Variants in PCLAF observed in about 807,000 individuals in gnomAD.
PCLAF encodes PCNA clamp associated factor.
A neutral mutation model predicts 15.1 loss-of-function variants in PCLAF; 12 were observed. The ratio of observed to expected loss-of-function variants is 0.79; its 90% CI spans 0.51 to 1.29. The LOEUF (loss-of-function observed/expected upper bound fraction) is 1.29, where lower values mean the gene tolerates loss of function less well. Among genes scored for constraint, PCLAF ranks in the 50% most tolerant of loss-of-function variants. PCLAF has a pLI of 0.00. For synonymous variants in PCLAF, 33 were observed against 47.1 expected (o/e 0.70, Z 1.22); for missense variants, 116 against 130.9 (o/e 0.89, Z 0.56).
In PCLAF at chr15:64,364,843, T is replaced by G. The variant is rs1285551929; in HGVS notation, c.*1187A>C. Reference sequence around the variant, plus strand: ...CTGGGATTACAGGCATGTGCCACCATGCCTGGCTCATTTTTTCATTTTTAG... The same window carrying G: ...CTGGGATTACAGGCATGTGCCACCAGGCCTGGCTCATTTTTTCATTTTTAG... On this transcript the variant is annotated 3_prime_UTR_variant, in exon 4 of 4. Transcript: ENST00000300035. The G allele has an allele frequency of 6.7e-6, 1 of 149,268 alleles. No individual in the cohort carries two copies. The highest frequency in any genetic ancestry group is 6.7e-5 in the Admixed American group (1 of 14,934). The allele number at this position is 149,268 out of a possible 1,614,324, so 9.2% of individuals were successfully genotyped here.
chr15:64,366,771 G>A, intron 3 of PCLAF, among the ~76,000 whole-genome samples: 1 of 152,020 alleles, frequency 6.6e-6, no homozygotes, highest in East Asian at 1.9e-4. Context: ...TCAGGAATTC[G>A]AGACCAGCCT....
chr15:64,373,525 C>A, intron 3 of PCLAF: 1 of 1,166,154 alleles, frequency 8.6e-7, no homozygotes, highest in Non-Finnish European at 1.1e-6. Flanking sequence ...GAAGGGCAAG[C>A]AAGACCACAA....
At position 64,365,894 on chromosome 15, in the gene PCLAF, T is replaced by C; in HGVS notation, c.*136A>G. The C allele has an allele frequency of 1.4e-6, 1 of 709,378 alleles. No homozygotes were observed. The highest frequency in any genetic ancestry group is 3.0e-5 in the Admixed American group (1 of 33,716). 43.9% of individuals were successfully genotyped at this position (709,378 alleles called of 1,614,324 possible). ...CAAATTTCACAACTACTTTTGAACA[T>C]CTAAATTTAAACCTAAATTTTTTAA... is the stretch of plus-strand genomic sequence containing the variant. On this transcript the variant is annotated 3_prime_UTR_variant, in exon 4 of 4. Transcript: ENST00000300035.
chr15:64,367,318 A>G (rs1017062718), intron 3 of PCLAF, among the ~76,000 whole-genome samples: 9 of 151,898 alleles, frequency 5.9e-5, no homozygotes, highest in African/African-American at 2.2e-4. Flanking sequence ...AGCCTGGCCA[A>G]CATGGTGAAA....
At chr15:64,370,183 A>G (rs1899220721) in intron 3 of PCLAF, among the ~76,000 whole-genome samples, 1 of 145,798 alleles carries the variant, frequency 6.9e-6, no homozygotes, top group Non-Finnish European at 1.5e-5. Context: ...GGCTCAAGCG[A>G]CTCCCACCTT....
intron 3 of PCLAF, among the ~76,000 whole-genome samples, chr15:64,371,379 C>T (rs565409070): frequency 2.0e-5 from 3 of 152,132 alleles, no homozygotes; most frequent in Non-Finnish European, 4.4e-5. Context: ...GATTGTCCTG[C>T]TTCAGCCACC....
chr15:64,372,291 G>T (rs567737239), intron 3 of PCLAF, among the ~76,000 whole-genome samples: 43 of 152,214 alleles, frequency 2.8e-4, no homozygotes, highest in Admixed American at 5.2e-4. Flanking sequence ...GTCTATCATT[G>T]CTCTGGCACA....
At chr15:64,370,829 GTTTTTTTTTTTTTT>G (rs10607183) in intron 3 of PCLAF, among the ~76,000 whole-genome samples, 2 of 85,766 alleles carry the variant, frequency 2.3e-5, no homozygotes, top group Non-Finnish European at 4.6e-5. Context: ...TCATAAAGTT[GTTTTTTTTTTTTTT>G]TTTTTTTTTT....
Position 64,381,384 on chromosome 15 carries a change from A to AGAGAG in PCLAF, c.-18_-14dup, listed in dbSNP as rs755251540. 6.2e-7 allele frequency: 1 copy of AGAGAG among 1,614,108 alleles called. No homozygotes were observed. The highest frequency in any genetic ancestry group is 8.5e-7 in the Non-Finnish European group (1 of 1,179,970). ...TAGTCCGCACCATGTTCAAACAAGA[A>AGAGAG]GAGAGGAGAGGAGAGAACGAACTGA... On this transcript the variant is annotated 5_prime_UTR_variant, in exon 1 of 4. Coordinates refer to ENST00000300035, the MANE Select transcript of PCLAF (RefSeq NM_014736.6).
At chr15:64,372,263 G>A (rs549330484) in intron 3 of PCLAF, among the ~76,000 whole-genome samples, 1 of 152,234 alleles carries the variant, frequency 6.6e-6, no homozygotes, top group African/African-American at 2.4e-5. Context: ...GTCATGCTTG[G>A]ATTTGGAGTA....
upstream of PCLAF, among the ~76,000 whole-genome samples, chr15:64,383,950 A>G (rs1042158793): frequency 3.3e-5 from 5 of 152,138 alleles, no homozygotes; most frequent in African/African-American, 1.2e-4. Flanking sequence ...GAGAAAAAAA[A>G]AAAGTGCTGA....
chr15:64,370,408 C>T (rs1899237643), intron 3 of PCLAF, among the ~76,000 whole-genome samples: 1 of 151,390 alleles, frequency 6.6e-6, no homozygotes, highest in Admixed American at 6.6e-5. Context: ...CGCTCTGTTG[C>T]CCAGGCTGGA....
In PCLAF at chr15:64,381,356, C is replaced by G; in HGVS notation, c.16G>C (p.Ala6Pro). 1 of 1,614,184 alleles carries G rather than the reference C, an allele frequency of 6.2e-7. No homozygotes were observed. The highest frequency in any genetic ancestry group is 8.5e-7 in the Non-Finnish European group (1 of 1,180,038). The part of the protein sequence containing the change: MVRTK[A>P]DSVPGTYRKV... ...CTGTAAGTGCCTGGAACACTGTCTG[C>G]TTTAGTCCGCACCATGTTCAAACAA... is the stretch of plus-strand genomic sequence containing the variant. The change falls in exon 1 of 4, where the codon GCA becomes CCA. Residue 6 changes from alanine to proline, a missense_variant. Ala to Pro is a conservative substitution (Grantham distance 27). Coordinates refer to ENST00000300035, the MANE Select transcript of PCLAF (RefSeq NM_014736.6).
upstream of PCLAF, among the ~76,000 whole-genome samples, chr15:64,382,056 A>G (rs929900132): frequency 6.6e-6 from 1 of 152,104 alleles, no homozygotes; most frequent in African/African-American, 2.4e-5. Flanking sequence ...AACTAATAAA[A>G]CGTCTTCTTG....
intron 3 of PCLAF, among the ~76,000 whole-genome samples, chr15:64,366,818 CAAA>C (rs1379967128): frequency 6.6e-6 from 1 of 151,978 alleles, no homozygotes; most frequent in African/African-American, 2.4e-5. Context: ...ACTAAAAATA[CAAA>C]AATAGCCGGG....
At chr15:64,374,587 G>A (rs1238996498) in intron 3 of PCLAF, among the ~76,000 whole-genome samples, 1 of 151,856 alleles carries the variant, frequency 6.6e-6, no homozygotes, top group Non-Finnish European at 1.5e-5. Context: ...GCTTATGCCT[G>A]TAATCCCAGC....
At chr15:64,370,105 A>G (rs1899217173) in intron 3 of PCLAF, among the ~76,000 whole-genome samples, 1 of 151,458 alleles carries the variant, frequency 6.6e-6, no homozygotes, top group Non-Finnish European at 1.5e-5. Context: ...TAGAAACACA[A>G]TCTGGCTCTG....
intron 3 of PCLAF, chr15:64,373,029 A>T (rs1366432954): frequency 6.6e-6 from 1 of 152,228 alleles, no homozygotes; most frequent in Non-Finnish European, 1.5e-5. Context: ...TAGCAATGTA[A>T]ATCTAGAGCA....
exon 1 of PCLAF, chr15:64,387,626 C>T: frequency 7.2e-7 from 1 of 1,393,192 alleles, no homozygotes; most frequent in African/African-American, 1.5e-5. Flanking sequence ...CTACGTTTAG[C>T]GATTGGCAAG....
Sources: gnomAD v4.1 joint callset for allele counts (sites outside exome capture counted in the v4.1 genomes callset) on GRCh38, gnomAD v4.1.1 for gene constraint, MANE v1.5 for transcripts, NCBI Gene and HGNC (gene_info 2026-07-23, HGNC 2026-07-21) for gene names.